ITPR3: variants seen among roughly 807,000 people sequenced by gnomAD.
ITPR3 encodes the protein inositol 1,4,5-trisphosphate receptor type 3.
ITPR3 carries 173 observed loss-of-function variants against 293.2 expected under a neutral mutation model. The observed-to-expected ratio is 0.59, with a 90% CI of 0.52 to 0.67. ITPR3 has a LOEUF of 0.67. ITPR3 is among the 30% of genes least tolerant of loss of function. The pLI is 0.00. For synonymous variants in ITPR3, 1,295 were observed against 1,444.4 expected (o/e 0.90, Z 2.35); for missense variants, 2,796 against 3,592.1 (o/e 0.78, Z 5.66).
intron 49 of ITPR3, among the ~76,000 whole-genome samples, 172 bp downstream of exon 49, chr6:33,688,953 G>A (rs1043282951): frequency 2.6e-5 from 4 of 152,216 alleles, no homozygotes; most frequent in East Asian, 1.9e-4. Flanking sequence ...ACACAGGTGC[G>A]GTCAAAGGGG....
Position 33,670,848 on chromosome 6 carries a change from C to T in ITPR3, c.2586+33C>T, listed in dbSNP as rs754304505. The T allele has an allele frequency of 1.0e-5, 16 of 1,605,960 alleles. No individual in the cohort carries two copies. Among genetic ancestry groups the T allele is most frequent in the East Asian group, 2.2e-5 (1 of 44,824 alleles). On this transcript the variant is annotated intron_variant, in intron 20 of 57. Coordinates refer to ENST00000605930, the MANE Select transcript of ITPR3 (RefSeq NM_002224.4). This position sits in a 1 kb window ranked among gnomAD's most constrained non-coding sequence, Gnocchi z 6.7. Reference sequence around the variant, plus strand: ...GGGGAGTGCCCAGGGGCTGGGGGTCCGTGGAGCTCTTGTTGGCCCCACACT... The same window carrying T: ...GGGGAGTGCCCAGGGGCTGGGGGTCTGTGGAGCTCTTGTTGGCCCCACACT...
Position 33,621,753 on chromosome 6 carries a change from A to G in ITPR3, c.89+62A>G. The G allele has an allele frequency of 1.5e-6, 2 of 1,305,230 alleles. No homozygotes were observed. Among genetic ancestry groups the G allele is most frequent in the Non-Finnish European group, 2.2e-6 (2 of 924,682 alleles). The allele number at this position is 1,305,230 out of a possible 1,614,324, so 80.9% of individuals were successfully genotyped here. A position where few individuals can be genotyped will look rare whatever the true frequency, so the allele number is the denominator to read the frequency against. The stretch of plus-strand genomic sequence containing the variant: ...AGGGGGCGCCGTGGGCCCTGGTGCC[A>G]GCTGCGTGCGTCCAGCCGCCGCCCC... On this transcript the variant is annotated intron_variant, in intron 1 of 57. Transcript: ENST00000605930. The surrounding 1 kb of genome is among the most constrained non-coding windows in gnomAD (Gnocchi z 7.7).
At position 33,693,678 on chromosome 6, in the gene ITPR3, T is replaced by G. The variant is rs1411582425; in HGVS notation, c.7758T>G (p.Pro2586=). The G allele has an allele frequency of 6.2e-7, 1 of 1,614,168 alleles. No individual in the cohort carries two copies. Among genetic ancestry groups the G allele is most frequent in the East Asian group, 2.2e-5 (1 of 44,892 alleles). The change falls in exon 56 of 58, where the codon CCT becomes CCG. Residue 2586 remains proline, a synonymous_variant. Coordinates refer to ENST00000605930, the MANE Select transcript of ITPR3 (RefSeq NM_002224.4). ...AGAACAAGACCGACTACACGGGCCC[T>G]GAGAGCTACGTGGCCCAGATGATCA... ...RVKNKTDYTG[P]ESYVAQMIKN...
intron 13 of ITPR3, among the ~76,000 whole-genome samples, 190 bp from the exon 14 acceptor site, chr6:33,665,645 G>C (rs1234503425): frequency 6.6e-6 from 1 of 151,698 alleles, no homozygotes; most frequent in Non-Finnish European, 1.5e-5. Context: ...GGTGGGTGGG[G>C]CTGGGCGTGT....
At chr6:33,694,083 C>A (rs1582172739) in intron 56 of ITPR3, among the ~76,000 whole-genome samples, 1 of 152,120 alleles carries the variant, frequency 6.6e-6, no homozygotes, top group South Asian at 2.1e-4. Flanking sequence ...GTTGGGGAGA[C>A]CCTGCCCGTG....
In ITPR3 at chr6:33,691,124, C is replaced by G; in HGVS notation, c.7225+15C>G. ...CCACTCCACAGGTCTTGGAGGCTTCCTCTCCTGGGCAGGTTGTGGGGAATG... is the reference window on the plus strand; with the variant it reads ...CCACTCCACAGGTCTTGGAGGCTTCGTCTCCTGGGCAGGTTGTGGGGAATG... On this transcript the variant is annotated intron_variant, in intron 52 of 57. Coordinates refer to ENST00000605930, the MANE Select transcript of ITPR3 (RefSeq NM_002224.4). This position sits in a 1 kb window ranked among gnomAD's most constrained non-coding sequence, Gnocchi z 4.9. 3 of 1,612,942 alleles carry G rather than the reference C, an allele frequency of 1.9e-6. No individual in the cohort carries two copies. Among genetic ancestry groups the G allele is most frequent in the Non-Finnish European group, 2.5e-6 (3 of 1,179,078 alleles).
intron 1 of ITPR3, among the ~76,000 whole-genome samples, chr6:33,630,482 G>A (rs1013899169): frequency 1.3e-5 from 2 of 152,326 alleles, no homozygotes; most frequent in East Asian, 3.9e-4. Flanking sequence ...CTGGCTGGCG[G>A]CCCATGGTTG....
chr6:33,693,040 G>A, intron 55 of ITPR3, 147 bp downstream of exon 55: 2 of 769,250 alleles, frequency 2.6e-6, no homozygotes, highest in Non-Finnish European at 4.1e-6. Context: ...CCAGAACTGG[G>A]GAGAACATGA....
In ITPR3 at chr6:33,680,579, G is replaced by C; in HGVS notation, c.4375G>C (p.Val1459Leu). The C allele has an allele frequency of 6.2e-7, 1 of 1,614,058 alleles. No homozygotes were observed. Among genetic ancestry groups the C allele is most frequent in the Non-Finnish European group, 8.5e-7 (1 of 1,180,008 alleles). ...GGTCTGCAGCAAGCGTGAGAAGCGCGTGGCTGACCCCACCTTGGAGAAGTA... is the reference window on the plus strand; with the variant it reads ...GGTCTGCAGCAAGCGTGAGAAGCGCCTGGCTGACCCCACCTTGGAGAAGTA... The part of the protein sequence containing the change: ...ARVCSKREKR[V>L]ADPTLEKYVL... The change falls in exon 33 of 58, where the codon GTG (valine) becomes CTG (leucine). Residue 1459 changes from valine to leucine, a missense_variant. By Grantham distance (32) the Val-to-Leu change is conservative. This residue lies in a region of ITPR3 where 344 missense variants were observed against 460.3 expected (regional missense o/e 0.75). Transcript: ENST00000605930.
In ITPR3 at chr6:33,682,859, C is replaced by T. The variant is rs912758925; in HGVS notation, c.4597+215C>T. 7.9e-5 allele frequency among the ~76,000 whole-genome samples: 12 copies of T among 152,122 alleles called. No individual in the cohort carries two copies. The highest frequency in any genetic ancestry group is 1.8e-4 in the Non-Finnish European group (12 of 68,036). On this transcript the variant is annotated intron_variant, in intron 34 of 57. Transcript: ENST00000605930. This position sits in a 1 kb window ranked among gnomAD's most constrained non-coding sequence, Gnocchi z 5.4. ...CAGTTCCCCAGAGAAGGATGCTCGC[C>T]GACATTCTCCAGCTAGTTTTTTATG...
chr6:33,688,623 C>A (rs771463545), intron 48 of ITPR3, 33 bp from the exon 49 acceptor site: 3 of 1,612,808 alleles, frequency 1.9e-6, no homozygotes, highest in Admixed American at 1.7e-5. Flanking sequence ...TCACCAGGGC[C>A]CTCCAGCAGC....
chr6:33,675,743 C>T lies in ITPR3; in HGVS notation c.3169C>T (p.Arg1057Cys), dbSNP rs556088693. Residue 1057 changes from arginine to cysteine, a missense_variant, in exon 25 of 58, where the codon CGC becomes TGC. Arg to Cys is a radical substitution (Grantham distance 180). Around this residue, in one of 8 missense-constraint regions of ITPR3, gnomAD observed 955 missense variants for 1,180.8 expected, o/e 0.81. Coordinates refer to ENST00000605930, the MANE Select transcript of ITPR3 (RefSeq NM_002224.4). The surrounding 1 kb of genome is among the most constrained non-coding windows in gnomAD (Gnocchi z 5.0). ...TGACGAGGGCGGCCGCATGTTCCTG[C>T]GCGTGCTCATCCACCTCACCATGCA... is the stretch of plus-strand genomic sequence containing the variant. ...VDDEGGRMFLRVLIHLTMHDY... is the reference protein window; with the variant it reads ...VDDEGGRMFLCVLIHLTMHDY... The T allele has an allele frequency of 3.9e-5, 63 of 1,612,992 alleles. No individual in the cohort carries two copies. The highest frequency in any genetic ancestry group is 9.9e-5 in the South Asian group (9 of 91,026).
intron 7 of ITPR3, among the ~76,000 whole-genome samples, 184 bp from the exon 8 acceptor site, chr6:33,662,342 CAG>C (rs1409708378): frequency 1.3e-5 from 2 of 151,976 alleles, no homozygotes; most frequent in Non-Finnish European, 2.9e-5. Flanking sequence ...GGGCTGAGGG[CAG>C]AGTGCCTGGG....
In ITPR3 at chr6:33,658,575, T is replaced by C. The variant is rs1036894172; in HGVS notation, c.370-95T>C. ...TCTGACACTATGTGTGCAGCCAGAA[T>C]GTGACCAAGGGTCTAGGGGATCCCC... is the stretch of plus-strand genomic sequence containing the variant. On this transcript the variant is annotated intron_variant, in intron 4 of 57. Transcript: ENST00000605930. The surrounding 1 kb of genome is among the most constrained non-coding windows in gnomAD (Gnocchi z 6.1). 2 of 1,431,088 alleles carry C rather than the reference T, an allele frequency of 1.4e-6. No individual in the cohort carries two copies. The highest frequency in any genetic ancestry group is 1.9e-6 in the Non-Finnish European group (2 of 1,043,328). The allele number at this position is 1,431,088 out of a possible 1,614,324, so 88.6% of individuals were successfully genotyped here.
In ITPR3 at chr6:33,666,289, C is replaced by CAAAAAATTTTTTT. The variant is rs544245931; in HGVS notation, c.1551+319_1551+331dup. ...TGATGTTGGGTCCAGAGCTGTGCTT[C>CAAAAAATTTTTTT]AAAAAATTTTTTTAAAAATTTTTTT... On this transcript the variant is annotated intron_variant, in intron 14 of 57. Transcript: ENST00000605930. The surrounding 1 kb of genome is among the most constrained non-coding windows in gnomAD (Gnocchi z 5.1). Among the ~76,000 whole-genome samples, 1,360 of 144,954 alleles carry CAAAAAATTTTTTT rather than the reference C, an allele frequency of 9.4e-3. 22 individuals are homozygous for CAAAAAATTTTTTT. The highest frequency in any genetic ancestry group is 0.032 in the African/African-American group (1,251 of 39,654).
In ITPR3 at chr6:33,691,221, C is replaced by A; in HGVS notation, c.7225+112C>A. 1 of 1,039,774 alleles carries A rather than the reference C, an allele frequency of 9.6e-7. No homozygotes were observed. Among genetic ancestry groups the A allele is most frequent in the Non-Finnish European group, 1.4e-6 (1 of 699,536 alleles). The allele number at this position is 1,039,774 out of a possible 1,614,324, so 64.4% of individuals were successfully genotyped here. A position where few individuals can be genotyped will look rare whatever the true frequency, so the allele number is the denominator to read the frequency against. ...GCTTACCTCACCAGGCTCCCGTCTG[C>A]TTCTCCTCTTGGCTTCTGGGGACGT... On this transcript the variant is annotated intron_variant, in intron 52 of 57. Transcript: ENST00000605930. This position sits in a 1 kb window ranked among gnomAD's most constrained non-coding sequence, Gnocchi z 4.9.
chr6:33,676,776 G>A lies in ITPR3; in HGVS notation c.3291G>A (p.Leu1097=). The A allele has an allele frequency of 6.2e-7, 1 of 1,614,188 alleles. No homozygotes were observed. Among genetic ancestry groups the A allele is most frequent in the South Asian group, 1.1e-5 (1 of 91,082 alleles). The change falls in exon 26 of 58, where the codon CTG becomes CTA. Residue 1097 remains leucine, a synonymous_variant. Transcript: ENST00000605930. ...CCATCCTCCACCTTCAGGTTCAGCT[G>A]CTGATCTCAGCGCAGGACGTGGAGA... ...EAMHTFKQVQ[L]LISAQDVENY...
rs1381355267 is a variant in ITPR3, at chr6:33,693,592, C to T, written c.7672C>T (p.His2558Tyr). 1.2e-6 allele frequency: 2 copies of T among 1,614,082 alleles called. No individual in the cohort carries two copies. The highest frequency in any genetic ancestry group is 1.3e-5 in the African/African-American group (1 of 74,940). Reference sequence around the variant, plus strand: ...TAACAAGACAGTGTCATTTGAGGAACACATCAAGCTGGAGCACAACATGTG... The same window carrying T: ...TAACAAGACAGTGTCATTTGAGGAATACATCAAGCTGGAGCACAACATGTG... ...FDNKTVSFEE[H>Y]IKLEHNMWNY... Residue 2558 changes from histidine (H) to tyrosine (Y), a missense_variant, in exon 56 of 58, where the codon CAC becomes TAC. His to Tyr is a moderately conservative substitution (Grantham distance 83). Transcript: ENST00000605930.
intron 51 of ITPR3, among the ~76,000 whole-genome samples, chr6:33,690,633 C>T (rs1478607805): frequency 6.6e-6 from 1 of 152,186 alleles, no homozygotes; most frequent in Non-Finnish European, 1.5e-5. Flanking sequence ...TCCTGGCATG[C>T]AGCAAGTACA....
Sources: gnomAD v4.1 joint callset for allele counts (sites outside exome capture counted in the v4.1 genomes callset) on GRCh38, gnomAD v4.1.1 for gene constraint, gnomAD v4.1.1 regional missense constraint, Gnocchi (gnomAD v3.1) non-coding constraint, MANE v1.5 for transcripts, NCBI Gene and HGNC (gene_info 2026-07-23, HGNC 2026-07-21) for gene names.